Variants in ZMAT4 observed in about 807,000 individuals in gnomAD.
ZMAT4 encodes the protein zinc finger matrin-type 4, also known as zinc finger matrin-type protein 4.
Under a neutral mutation model 28.7 loss-of-function variants are expected in ZMAT4, and 17 were observed. The ratio of observed to expected loss-of-function variants is 0.59; its 90% CI spans 0.41 to 0.89. The LOEUF (loss-of-function observed/expected upper bound fraction) is 0.89. ZMAT4 is among the 40% of genes least tolerant of loss of function. ZMAT4 has a pLI of 0.00. For missense variants in ZMAT4, 240 were observed against 283.8 expected, an observed-to-expected ratio of 0.85 and a Z score of 1.11; for synonymous variants, 117 against 109.2, an observed-to-expected ratio of 1.07 and a Z score of -0.44.
chr8:40,891,921 T>C (rs955408427), intron 1 of ZMAT4, among the ~76,000 whole-genome samples: 8 of 152,194 alleles, frequency 5.3e-5, no homozygotes, highest in African/African-American at 1.9e-4. Context: ...CACCAATTTA[T>C]CTTGCTTCCT....
Position 40,646,101 on chromosome 8 carries a change from G to T in ZMAT4, c.577+28603C>A, listed in dbSNP as rs189594804. 2.9e-3 allele frequency among the ~76,000 whole-genome samples: 437 copies of T among 151,852 alleles called. 4 individuals carry two copies. Among genetic ancestry groups the T allele is most frequent in the African/African-American group, 1.0e-2 (413 of 41,496 alleles). ...TAATATATAGAAATCAGTGAGGACTGGTTTTGTTGTGTTTTCAATTTTATA... is the reference window on the plus strand; with the variant it reads ...TAATATATAGAAATCAGTGAGGACTTGTTTTGTTGTGTTTTCAATTTTATA... On this transcript the variant is annotated intron_variant, in intron 5 of 6. Transcript: ENST00000297737.
chr8:40,538,615 T>C (rs1298121616), intron 6 of ZMAT4, among the ~76,000 whole-genome samples: 1 of 152,174 alleles, frequency 6.6e-6, no homozygotes, highest in Non-Finnish European at 1.5e-5. Context: ...GAGAGTTCAG[T>C]ACCCCTCTTC....
At chr8:40,681,298 C>A (rs968749303) in intron 4 of ZMAT4, among the ~76,000 whole-genome samples, 1 of 152,206 alleles carries the variant, frequency 6.6e-6, no homozygotes, top group Non-Finnish European at 1.5e-5. Flanking sequence ...AACATCTGCT[C>A]CCAGTGGGGA....
intron 3 of ZMAT4, among the ~76,000 whole-genome samples, chr8:40,765,085 G>A (rs2150559439): frequency 6.6e-6 from 1 of 152,186 alleles, no homozygotes; most frequent in Non-Finnish European, 1.5e-5. Context: ...CCTCTTGCCA[G>A]CATCCCAAAG....
intron 1 of ZMAT4, among the ~76,000 whole-genome samples, chr8:40,857,424 G>T (rs142924397): frequency 4.8e-4 from 73 of 151,958 alleles, no homozygotes; most frequent in Middle Eastern, 3.4e-3. Context: ...GTCAAGAAAT[G>T]ATTCTCTGGG....
At chr8:40,780,968 A>G (rs1332152356) in intron 2 of ZMAT4, among the ~76,000 whole-genome samples, 1 of 152,204 alleles carries the variant, frequency 6.6e-6, no homozygotes, top group Non-Finnish European at 1.5e-5. Flanking sequence ...TAAGATGAGG[A>G]GCAAGACAAG....
At chr8:40,587,738 T>C (rs998920478) in intron 5 of ZMAT4, among the ~76,000 whole-genome samples, 2 of 151,844 alleles carry the variant, frequency 1.3e-5, no homozygotes, top group African/African-American at 2.4e-5. Flanking sequence ...AGAAAACAGA[T>C]AGCAAAATTA....
chr8:40,732,750 C>A (rs1373448290), intron 3 of ZMAT4, among the ~76,000 whole-genome samples: 1 of 151,962 alleles, frequency 6.6e-6, no homozygotes, highest in Non-Finnish European at 1.5e-5. Flanking sequence ...CCTGGATGCC[C>A]CAGTGGCCTC....
intron 5 of ZMAT4, among the ~76,000 whole-genome samples, chr8:40,583,296 A>G (rs1562904): frequency 0.67 from 101,986 of 152,036 alleles, 34,403 homozygotes; most frequent in African/African-American, 0.73. Context: ...AGAATTGGGC[A>G]TGGCCTGTGT....
intron 1 of ZMAT4, among the ~76,000 whole-genome samples, chr8:40,867,303 G>T (rs1817707817): frequency 6.8e-6 from 1 of 147,546 alleles, no homozygotes; most frequent in South Asian, 2.1e-4. Context: ...AAGCATTTGT[G>T]TTGGGCCACA....
intron 2 of ZMAT4, among the ~76,000 whole-genome samples, chr8:40,810,305 A>G (rs936854947): frequency 2.0e-5 from 3 of 152,224 alleles, no homozygotes; most frequent in African/African-American, 7.2e-5. Flanking sequence ...ACAATAAAAG[A>G]AGATAGATAC....
chr8:40,586,303 G>A (rs2599681), intron 5 of ZMAT4, among the ~76,000 whole-genome samples: 78,253 of 151,974 alleles, frequency 0.51, 20,740 homozygotes, highest in Middle Eastern at 0.59. Context: ...CATTTTCAGC[G>A]CAACACCATA....
chr8:40,537,612 T>G (rs1243809007), intron 6 of ZMAT4, among the ~76,000 whole-genome samples: 1 of 152,240 alleles, frequency 6.6e-6, no homozygotes, highest in Non-Finnish European at 1.5e-5. Context: ...CCTGATGTGC[T>G]TCAGAACAGT....
chr8:40,680,778 A>C (rs568233584), intron 4 of ZMAT4, among the ~76,000 whole-genome samples: 1 of 150,328 alleles, frequency 6.7e-6, no homozygotes, highest in Admixed American at 6.6e-5. Flanking sequence ...CTCCCTCCCC[A>C]AGCCCCTGGC....
chr8:40,583,454 G>A (rs75307794), intron 5 of ZMAT4, among the ~76,000 whole-genome samples: 9,853 of 152,214 alleles, frequency 0.065, 405 homozygotes, highest in East Asian at 0.16. Context: ...GCAAAAAGAT[G>A]CTGAAAGTGT....
chr8:40,817,472 A>G (rs889174602), intron 2 of ZMAT4, among the ~76,000 whole-genome samples: 20 of 152,258 alleles, frequency 1.3e-4, no homozygotes, highest in South Asian at 1.0e-3. Flanking sequence ...GGAAGATCAG[A>G]TTCTATTCTG....
chr8:40,741,282 T>TA (rs984599733), intron 3 of ZMAT4, among the ~76,000 whole-genome samples: 1 of 151,720 alleles, frequency 6.6e-6, no homozygotes, highest in Non-Finnish European at 1.5e-5. Context: ...CCATCTCTAC[T>TA]AAAAAAATAC....
intron 5 of ZMAT4, among the ~76,000 whole-genome samples, chr8:40,643,476 C>T (rs1471717599): frequency 6.6e-6 from 1 of 152,118 alleles, no homozygotes; most frequent in African/African-American, 2.4e-5. Context: ...TATTGAGTCA[C>T]TAAATAAATA....
intron 2 of ZMAT4, among the ~76,000 whole-genome samples, chr8:40,781,789 A>AAAAAAAAAAC (rs1563480296): frequency 2.7e-5 from 4 of 147,846 alleles, no homozygotes; most frequent in African/African-American, 1.0e-4. Context: ...AAAAAAAAAA[A>AAAAAAAAAAC]AAGAAAAGAA....
Sources: allele counts gnomAD v4.1 joint callset (sites outside exome capture counted in the v4.1 genomes callset), GRCh38; gene constraint gnomAD v4.1.1; transcripts MANE v1.5; gene names NCBI Gene and HGNC (gene_info 2026-07-23, HGNC 2026-07-21).